POLR3K: variants seen among roughly 807,000 people sequenced by gnomAD.
POLR3K encodes RNA polymerase III subunit K.
Under a neutral mutation model 13.5 loss-of-function variants are expected in POLR3K, and 11 were observed. The observed-to-expected ratio is 0.81, with a 90% CI of 0.51 to 1.35. The LOEUF (loss-of-function observed/expected upper bound fraction) is 1.35, where lower values mean the gene tolerates loss of function less well. Ranked by LOEUF, POLR3K falls within the 40% of genes most tolerant of loss-of-function variation. The pLI, the probability that POLR3K is intolerant of heterozygous loss-of-function variation, is 0.00. For synonymous variants in POLR3K, 56 were observed against 51.5 expected (o/e 1.09, Z -0.38); for missense variants, 144 against 145.3 (o/e 0.99, Z 0.05).
chr16:47,618 A>C, intron 2 of POLR3K, 61 bp from the exon 3 acceptor site: 1 of 1,567,220 alleles, frequency 6.4e-7, no homozygotes, highest in Non-Finnish European at 8.7e-7. Flanking sequence ...TGGCTGTCAA[A>C]AGTAGGTATT....
chr16:49,969 C>A (rs925125127), intron 2 of POLR3K, among the ~76,000 whole-genome samples: 1 of 150,826 alleles, frequency 6.6e-6, no homozygotes, highest in East Asian at 2.0e-4. Context: ...TTTGTATGTT[C>A]TTTTTTTTGA....
chr16:48,869 A>C (rs890680112), intron 2 of POLR3K, among the ~76,000 whole-genome samples: 6 of 132,328 alleles, frequency 4.5e-5, no homozygotes, highest in Admixed American at 2.3e-4. Flanking sequence ...AAAGAAGAGA[A>C]GAGGCCGGGT....
Position 53,484 on chromosome 16 carries a change from T to C in POLR3K, c.103A>G (p.Thr35Ala). Residue 35 changes from threonine (T) to alanine (A), a missense_variant, in exon 1 of 3, where the codon ACC (threonine) becomes GCC (alanine). Thr to Ala is a moderately conservative substitution (Grantham distance 58). Coordinates refer to ENST00000293860, the MANE Select transcript of POLR3K (RefSeq NM_016310.5). The part of the protein sequence containing the change: ...CNTCPYVHNI[T>A]RKVTNRKYPK... The stretch of plus-strand genomic sequence containing the variant: ...CGGCCTTCGGGTCCCACCTTGCGGG[T>C]GATGTTGTGCACGTAGGGGCACGTG... 6 of 1,610,292 alleles carry C rather than the reference T, an allele frequency of 3.7e-6. No individual in the cohort carries two copies. Among genetic ancestry groups the C allele is most frequent in the Non-Finnish European group, 5.1e-6 (6 of 1,178,528 alleles).
chr16:52,637 A>G (rs1596458568), intron 1 of POLR3K, among the ~76,000 whole-genome samples: 2 of 144,592 alleles, frequency 1.4e-5, no homozygotes, highest in East Asian at 4.2e-4. Context: ...GTGGTGGCGG[A>G]CGCCTGTAGT....
chr16:52,575 AAC>A (rs1269021090), intron 1 of POLR3K, among the ~76,000 whole-genome samples: 1 of 151,044 alleles, frequency 6.6e-6, no homozygotes, highest in Non-Finnish European at 1.5e-5. Context: ...CGTCCTGGCT[AAC>A]ACACGGTGAA....
At chr16:51,694 T>C (rs1239302894) in intron 1 of POLR3K, 49 bp from the exon 2 acceptor site, 1 of 1,496,796 alleles carries the variant, frequency 6.7e-7, no homozygotes, top group Admixed American at 1.7e-5. Flanking sequence ...AGCGCAAACC[T>C]GGGCTGCCAA....
intron 1 of POLR3K, 164 bp downstream of exon 1, chr16:53,312 G>A: frequency 7.6e-7 from 1 of 1,310,396 alleles, no homozygotes; most frequent in East Asian, 2.9e-5. Flanking sequence ...GGCTTTCTGA[G>A]TGTATTGGAA....
chr16:50,182 C>T (rs1176821095), intron 2 of POLR3K, among the ~76,000 whole-genome samples: 1 of 152,108 alleles, frequency 6.6e-6, no homozygotes, highest in Non-Finnish European at 1.5e-5. Context: ...TGGTCTCGAA[C>T]TCCTGACCTC....
chr16:52,352 CAGA>C (rs950726087), intron 1 of POLR3K, among the ~76,000 whole-genome samples: 9 of 148,534 alleles, frequency 6.1e-5, no homozygotes, highest in Non-Finnish European at 1.2e-4. Context: ...GAAGCCGAGG[CAGA>C]AGAATTGCTT....
Position 53,506 on chromosome 16 carries a change from C to T in POLR3K, c.81G>A (p.Thr27=), listed in dbSNP as rs762871436. ...GQRCHRFACN[T]CPYVHNITRK... ...GGGTGATGTTGTGCACGTAGGGGCA[C>T]GTGTTGCAGGCGAAGCGGTGGCAGC... The change falls in exon 1 of 3, where the codon ACG becomes ACA. Residue 27 remains threonine (T), a synonymous_variant. Transcript: ENST00000293860. 1 of 1,612,744 alleles carries T rather than the reference C, an allele frequency of 6.2e-7. No homozygotes were observed. Among genetic ancestry groups the T allele is most frequent in the African/African-American group, 1.3e-5 (1 of 74,836 alleles).
intron 2 of POLR3K, among the ~76,000 whole-genome samples, chr16:48,482 GAAGT>G (rs903951879): frequency 6.6e-6 from 1 of 152,170 alleles, no homozygotes; most frequent in Non-Finnish European, 1.5e-5. Context: ...GAAGAGTTTT[GAAGT>G]AAATGCTGGG....
At chr16:50,774 T>C (rs909773483) in intron 2 of POLR3K, among the ~76,000 whole-genome samples, 4 of 152,128 alleles carry the variant, frequency 2.6e-5, no homozygotes, top group African/African-American at 9.7e-5. Flanking sequence ...CTGCCTACCT[T>C]GGCCTCCCAA....
intron 1 of POLR3K, among the ~76,000 whole-genome samples, chr16:52,490 T>A (rs216593): frequency 0.98 from 119,641 of 122,668 alleles, 58,310 homozygotes; most frequent in Middle Eastern, 0.99. Context: ...AAAAAAAAGG[T>A]CGGGCGCGGT....
At chr16:52,795 A>AAAAAC (rs1301989386) in intron 1 of POLR3K, among the ~76,000 whole-genome samples, 23 of 26,824 alleles carry the variant, frequency 8.6e-4, no homozygotes, top group African/African-American at 2.7e-3. Flanking sequence ...AAAAAAAAAA[A>AAAAAC]CAATAAAAAA....
chr16:48,678 T>G (rs7187013), intron 2 of POLR3K, among the ~76,000 whole-genome samples: 112,769 of 151,396 alleles, frequency 0.74, 42,204 homozygotes, highest in African/African-American at 0.77. Context: ...AGGCGTGGTG[T>G]CGGGTGCCTG....
At position 51,540 on chromosome 16, in the gene POLR3K, AAC is replaced by A. The variant is rs1246588945; in HGVS notation, c.199+16_199+17del. The stretch of plus-strand genomic sequence containing the variant: ...TAATTATCCACAGTTTAGCAACAGA[AAC>A]AGTTTTCCCTCTTACCTGCAGTAGA... On this transcript the variant is annotated intron_variant, in intron 2 of 2. Transcript: ENST00000293860. The A allele has an allele frequency of 1.2e-6, 2 of 1,601,552 alleles. No homozygotes were observed. The highest frequency in any genetic ancestry group is 1.1e-5 in the South Asian group (1 of 90,798).
At chr16:49,539 C>T (rs1052807911) in intron 2 of POLR3K, among the ~76,000 whole-genome samples, 4 of 151,280 alleles carry the variant, frequency 2.6e-5, no homozygotes, top group African/African-American at 7.3e-5. Flanking sequence ...GGCATGGTCT[C>T]GGCTCACTGC....
rs1897330492 is a variant in POLR3K, at chr16:51,546, T to G, written c.199+12A>C. The G allele has an allele frequency of 6.2e-7, 1 of 1,607,248 alleles. No individual in the cohort carries two copies. Among genetic ancestry groups the G allele is most frequent in the South Asian group, 1.1e-5 (1 of 90,934 alleles). ...TCCACAGTTTAGCAACAGAAACAGT[T>G]TTCCCTCTTACCTGCAGTAGAGTCA... On this transcript the variant is annotated intron_variant, in intron 2 of 2. Coordinates refer to ENST00000293860, the MANE Select transcript of POLR3K (RefSeq NM_016310.5).
intron 2 of POLR3K, among the ~76,000 whole-genome samples, chr16:48,416 G>A (rs908115817): frequency 2.0e-5 from 3 of 152,148 alleles, no homozygotes; most frequent in African/African-American, 7.2e-5. Flanking sequence ...GACTGTTTTG[G>A]TCCATTTTGT....
Sources: allele counts gnomAD v4.1 joint callset (sites outside exome capture counted in the v4.1 genomes callset), GRCh38; gene constraint gnomAD v4.1.1; transcripts MANE v1.5; gene names NCBI Gene and HGNC (gene_info 2026-07-23, HGNC 2026-07-21).